KIDINS220: variants seen among roughly 807,000 people sequenced by gnomAD.
KIDINS220 encodes the protein kinase D-interacting substrate of 220 kDa.
In KIDINS220, 63 loss-of-function variants were observed where a neutral mutation model predicts 157.6. That is an observed-to-expected ratio of 0.40 (90% CI 0.33 to 0.49). KIDINS220 has a LOEUF of 0.49. Among genes scored for constraint, KIDINS220 ranks in the 20% least tolerant of loss-of-function variants. The probability of loss-of-function intolerance (pLI) is 0.66; values close to 1 mark genes in which losing one functional copy is unlikely to be tolerated. For missense variants in KIDINS220, 1,772 were observed against 2,171.2 expected (o/e 0.82, Z 3.65); for synonymous variants, 732 against 783.6 (o/e 0.93, Z 1.10).
rs1674017061 is a variant in KIDINS220 at position 8,796,865 on chromosome 2, C to T, written c.1004G>A (p.Gly335Asp). The T allele has an allele frequency of 6.2e-7, 1 of 1,613,254 alleles. No individual in the cohort carries two copies. Among genetic ancestry groups the T allele is most frequent in the East Asian group, 2.2e-5 (1 of 44,878 alleles). ...NPDTEICTKD[G>D]ETPLIKATKM... ...GGTAGCCTTTATAAGTGGCGTTTCACCATCCTGTGGGCACAAATAAGAACA... is the reference window on the plus strand; with the variant it reads ...GGTAGCCTTTATAAGTGGCGTTTCATCATCCTGTGGGCACAAATAAGAACA... The change falls in exon 11 of 30, where the codon GGT (glycine) becomes GAT (aspartate). Residue 335 changes from glycine to aspartate, a missense_variant. Around this residue, in one of 3 missense-constraint regions of KIDINS220, gnomAD observed 725 missense variants for 1,017.1 expected, o/e 0.71. Transcript: ENST00000256707.
At chr2:8,776,961 T>G in intron 20 of KIDINS220, 69 bp from the exon 21 acceptor site, 1 of 1,484,886 alleles carries the variant, frequency 6.7e-7, no homozygotes, top group Non-Finnish European at 9.1e-7. Context: ...CTTTTTGAGA[T>G]GTTAATAAAT....
chr2:8,800,316 A>C lies in KIDINS220; in HGVS notation c.900+84T>G, dbSNP rs888556501. 2.4e-5 allele frequency: 19 copies of C among 780,912 alleles called. 1 individual carries two copies. The highest frequency in any genetic ancestry group is 3.8e-5 in the Non-Finnish European group (19 of 498,600). The allele number at this position is 780,912 out of a possible 1,614,324, so 48.4% of individuals were successfully genotyped here. Reference sequence around the variant, plus strand: ...GGTTTACAAGTTTATCTCCATAGGAAAGTGGGAAGAATAACATTATGATCA... The same window carrying C: ...GGTTTACAAGTTTATCTCCATAGGACAGTGGGAAGAATAACATTATGATCA... On this transcript the variant is annotated intron_variant, in intron 9 of 29. Transcript: ENST00000256707.
intron 26 of KIDINS220, among the ~76,000 whole-genome samples, chr2:8,737,758 C>T (rs565387954): frequency 6.6e-6 from 1 of 152,318 alleles, no homozygotes; most frequent in African/African-American, 2.4e-5. Flanking sequence ...CTTCCCAGCA[C>T]AGATGTGCTC....
chr2:8,835,473 C>T (rs1469252204), intron 1 of KIDINS220, among the ~76,000 whole-genome samples: 1 of 151,934 alleles, frequency 6.6e-6, no homozygotes, highest in African/African-American at 2.4e-5. Flanking sequence ...CAATATGGGT[C>T]ACACATAAAA....
intron 26 of KIDINS220, among the ~76,000 whole-genome samples, chr2:8,744,224 G>A (rs1666033817): frequency 7.0e-6 from 1 of 141,912 alleles, no homozygotes; most frequent in African/African-American, 2.6e-5. Context: ...TGAAACACTT[G>A]GATATATCTA....
intron 21 of KIDINS220, among the ~76,000 whole-genome samples, chr2:8,773,123 G>A (rs1466889787): frequency 6.6e-6 from 1 of 152,244 alleles, no homozygotes; most frequent in Admixed American, 6.5e-5. Context: ...GGTGTTAGGG[G>A]CTTTTATAAA....
At chr2:8,789,701 C>T (rs972635521) in intron 14 of KIDINS220, among the ~76,000 whole-genome samples, 179 bp downstream of exon 14, 3 of 152,156 alleles carry the variant, frequency 2.0e-5, no homozygotes, top group African/African-American at 4.8e-5. Context: ...CTACTTCAGC[C>T]AAGTTGTGAG....
intron 22 of KIDINS220, among the ~76,000 whole-genome samples, chr2:8,768,204 T>C (rs975749172): frequency 1.3e-5 from 2 of 151,968 alleles, no homozygotes; most frequent in African/African-American, 4.8e-5. Context: ...AGACAAAAAA[T>C]TTTTAGTTTT....
At chr2:8,789,535 G>C (rs535026391) in intron 14 of KIDINS220, among the ~76,000 whole-genome samples, 1 of 151,980 alleles carries the variant, frequency 6.6e-6, no homozygotes, top group Non-Finnish European at 1.5e-5. Context: ...CGATCTGCCC[G>C]CCTTGGGCTC....
intron 22 of KIDINS220, among the ~76,000 whole-genome samples, chr2:8,755,937 T>G (rs1177236508): frequency 6.6e-6 from 1 of 152,236 alleles, no homozygotes; most frequent in Non-Finnish European, 1.5e-5. Flanking sequence ...GTTCTTCTTT[T>G]TCAAGGTTGC....
intron 26 of KIDINS220, among the ~76,000 whole-genome samples, chr2:8,740,485 G>A (rs1665476253): frequency 6.6e-6 from 1 of 152,206 alleles, no homozygotes; most frequent in Admixed American, 6.5e-5. Flanking sequence ...ATAAGAAAAT[G>A]AGGTACATCA....
intron 6 of KIDINS220, among the ~76,000 whole-genome samples, chr2:8,809,847 C>G (rs1468292103): frequency 6.6e-6 from 1 of 151,962 alleles, no homozygotes; most frequent in Non-Finnish European, 1.5e-5. Flanking sequence ...TTCTAAAACA[C>G]CCCTTTGCAA....
chr2:8,772,761 C>A (rs1220920074), intron 21 of KIDINS220, among the ~76,000 whole-genome samples: 1 of 152,160 alleles, frequency 6.6e-6, no homozygotes, highest in Non-Finnish European at 1.5e-5. Context: ...AAATACTTAT[C>A]AATATTTATC....
chr2:8,791,751 G>A (rs1451170253), intron 12 of KIDINS220, among the ~76,000 whole-genome samples: 1 of 151,944 alleles, frequency 6.6e-6, no homozygotes, highest in African/African-American at 2.4e-5. Flanking sequence ...GATAATAATA[G>A]AAAAAGAAAC....
intron 2 of KIDINS220, among the ~76,000 whole-genome samples, chr2:8,824,108 G>A (rs1216282847): frequency 6.6e-6 from 1 of 151,928 alleles, no homozygotes; most frequent in Non-Finnish European, 1.5e-5. Context: ...CATAAATAAA[G>A]ATAAATAACA....
Position 8,800,453 on chromosome 2 carries a change from C to G in KIDINS220, c.847G>C (p.Glu283Gln), listed in dbSNP as rs1315188087. Reference sequence around the variant, plus strand: ...TTTTGGAGAAGCGCTCGAACAATTTCAACATGACCACCTCTGACAGCGCCA... The same window carrying G: ...TTTTGGAGAAGCGCTCGAACAATTTGAACATGACCACCTCTGACAGCGCCA... Reference protein sequence around the residue: ...LIGAVRGGHVEIVRALLQKYA... With the variant: ...LIGAVRGGHVQIVRALLQKYA... Residue 283 changes from glutamate (E) to glutamine (Q), a missense_variant, in exon 9 of 30, where the codon GAA becomes CAA. By Grantham distance (29) the Glu-to-Gln change is conservative. Around this residue, in one of 3 missense-constraint regions of KIDINS220, gnomAD observed 725 missense variants for 1,017.1 expected, o/e 0.71. Coordinates refer to ENST00000256707, the MANE Select transcript of KIDINS220 (RefSeq NM_020738.4). 1 of 1,613,544 alleles carries G rather than the reference C, an allele frequency of 6.2e-7. No homozygotes were observed. Among genetic ancestry groups the G allele is most frequent in the South Asian group, 1.1e-5 (1 of 90,978 alleles).
chr2:8,746,235 T>C (rs1452602872), intron 26 of KIDINS220, among the ~76,000 whole-genome samples: 1 of 151,906 alleles, frequency 6.6e-6, no homozygotes, highest in Non-Finnish European at 1.5e-5. Context: ...CCCAAGTAGC[T>C]GGGATTACAG....
downstream of KIDINS220, among the ~76,000 whole-genome samples, chr2:8,726,387 T>C (rs1024965246): frequency 6.6e-6 from 1 of 152,254 alleles, no homozygotes; most frequent in Non-Finnish European, 1.5e-5. Flanking sequence ...ATCATTTTAC[T>C]TAAAAGGTTT....
chr2:8,823,375 C>T (rs1008700023), intron 2 of KIDINS220, among the ~76,000 whole-genome samples: 2 of 145,946 alleles, frequency 1.4e-5, no homozygotes, highest in Admixed American at 6.8e-5. Context: ...AAAATACAAA[C>T]AACTTTTTGT....
Sources: gnomAD v4.1 joint callset for allele counts (sites outside exome capture counted in the v4.1 genomes callset) on GRCh38, gnomAD v4.1.1 for gene constraint, gnomAD v4.1.1 regional missense constraint, MANE v1.5 for transcripts, NCBI Gene and HGNC (gene_info 2026-07-23, HGNC 2026-07-21) for gene names.